Variants in WT1 observed in about 807,000 individuals in gnomAD.
WT1 encodes Wilms tumor protein.
A neutral mutation model predicts 60.8 loss-of-function variants in WT1; 8 were observed. That is an observed-to-expected ratio of 0.13 (90% confidence interval 0.08 to 0.24). The LOEUF (loss-of-function observed/expected upper bound fraction) is 0.24, where lower values mean the gene tolerates loss of function less well. Ranked by LOEUF, WT1 falls within the 10% of genes least tolerant of loss-of-function variation. WT1 has a pLI of 1.00. For missense variants in WT1, 568 were observed against 711.8 expected (o/e 0.80, Z 2.30); for synonymous variants, 312 against 297.1 (o/e 1.05, Z -0.52).
intron 3 of WT1, among the ~76,000 whole-genome samples, chr11:32,422,323 T>C (rs1038568706): frequency 2.0e-5 from 3 of 152,234 alleles, no homozygotes; most frequent in Non-Finnish European, 4.4e-5. Context: ...TACAGGAATA[T>C]TTGGAACTAG....
At chr11:32,419,524 A>T (rs1319190696) in intron 3 of WT1, among the ~76,000 whole-genome samples, 1 of 152,180 alleles carries the variant, frequency 6.6e-6, no homozygotes, top group African/African-American at 2.4e-5. Flanking sequence ...CAACTCAGAA[A>T]ATCATAATTT....
intron 1 of WT1, among the ~76,000 whole-genome samples, chr11:32,429,971 C>G (rs1252547837): frequency 1.5e-5 from 2 of 135,812 alleles, no homozygotes; most frequent in African/African-American, 6.2e-5. Flanking sequence ...CCACCACCCC[C>G]CGCCCAGAAA....
chr11:32,429,462 T>TCCCCCCC (rs10580209), intron 1 of WT1, among the ~76,000 whole-genome samples: 1 of 124,628 alleles, frequency 8.0e-6, no homozygotes, highest in African/African-American at 2.9e-5. Context: ...ATCCTAGCAT[T>TCCCCCCC]CCCCCCCCCC....
intron 3 of WT1, among the ~76,000 whole-genome samples, chr11:32,423,283 A>T (rs1422552032): frequency 6.6e-6 from 1 of 152,224 alleles, no homozygotes; most frequent in Non-Finnish European, 1.5e-5. Context: ...TCTGCCCTGC[A>T]ATTCTTTAGG....
At chr11:32,392,100 C>A (rs1851835581) in intron 8 of WT1, 36 bp from the exon 9 acceptor site, 3 of 1,595,414 alleles carry the variant, frequency 1.9e-6, no homozygotes, top group Non-Finnish European at 1.7e-6. Flanking sequence ...TCGGCCCTAA[C>A]AATGTGGGCA....
At position 32,396,378 on chromosome 11, in the gene WT1, C is replaced by T. The variant is rs1554939849; in HGVS notation, c.1143G>A (p.Pro381=). Residue 381 remains proline, a synonymous_variant, in exon 7 of 10, where the codon CCG becomes CCA. Transcript: ENST00000452863. ...TCTCAGATGCCGACCGTACAAGAGTCGGGGCTACTCCAGGCACACGTCGCA... is the reference window on the plus strand; with the variant it reads ...TCTCAGATGCCGACCGTACAAGAGTTGGGGCTACTCCAGGCACACGTCGCA... 6.2e-7 allele frequency: 1 copy of T among 1,614,066 alleles called. No individual in the cohort carries two copies. The highest frequency in any genetic ancestry group is 8.5e-7 in the Non-Finnish European group (1 of 1,180,032).
chr11:32,389,329 G>T, intron 9 of WT1, 150 bp from the exon 10 acceptor site: 1 of 1,347,488 alleles, frequency 7.4e-7, no homozygotes, highest in Non-Finnish European at 1.0e-6. Context: ...TCATTTCCCA[G>T]GCAGCCTTGA....
Position 32,434,965 on chromosome 11 carries a change from A to G in WT1, c.396T>C (p.Ala132=), listed in dbSNP as rs1304926930. 1.3e-6 allele frequency: 2 copies of G among 1,546,732 alleles called. No homozygotes were observed. ...GCGGCGGCGGCGGGGGTGGCGGCGG[A>G]GCCGGTGGCGGCGCGGGGCCGCCCA... The change falls in exon 1 of 10, where the codon GCT becomes GCC. Residue 132 remains alanine, a synonymous_variant. Transcript: ENST00000452863.
intron 3 of WT1, among the ~76,000 whole-genome samples, chr11:32,426,775 C>A (rs1013360461): frequency 3.3e-5 from 5 of 152,196 alleles, no homozygotes; most frequent in Non-Finnish European, 5.9e-5. Context: ...TAGAAACTCC[C>A]GGGAAGGAGA....
intron 7 of WT1, among the ~76,000 whole-genome samples, chr11:32,394,605 A>G (rs1851911397): frequency 6.6e-6 from 1 of 152,180 alleles, no homozygotes; most frequent in Non-Finnish European, 1.5e-5. Flanking sequence ...ATGTTTTGTG[A>G]GTGAGGATTA....
chr11:32,396,515 G>A, intron 6 of WT1, 108 bp from the exon 7 acceptor site: 3 of 1,485,116 alleles, frequency 2.0e-6, no homozygotes, highest in Non-Finnish European at 1.8e-6. Flanking sequence ...GGGGTGGCAG[G>A]TGCAGACCTA....
At chr11:32,407,791 A>G (rs1852361656) in intron 5 of WT1, among the ~76,000 whole-genome samples, 1 of 152,206 alleles carries the variant, frequency 6.6e-6, no homozygotes, top group African/African-American at 2.4e-5. Flanking sequence ...CTAAGAAACT[A>G]TGCTTCCTTA....
At position 32,429,523 on chromosome 11, in the gene WT1, T is replaced by A. The variant is rs1378168370; in HGVS notation, c.662-904A>T. ...GCCTCAGTTGGAAAACATAGTCTTT[T>A]ATAATTTTTGTTATTAAATTGCTTT... On this transcript the variant is annotated intron_variant, in intron 1 of 9. Coordinates refer to ENST00000452863, the MANE Select transcript of WT1 (RefSeq NM_024426.6). Among the ~76,000 whole-genome samples the A allele has an allele frequency of 2.7e-5, 4 of 147,324 alleles. No homozygotes were observed. The Admixed American group carries it at 2.7e-4, about 10-fold the overall frequency.
intron 9 of WT1, 64 bp from the exon 10 acceptor site, chr11:32,389,243 A>G: frequency 6.2e-7 from 1 of 1,612,544 alleles, no homozygotes; most frequent in East Asian, 2.2e-5. Flanking sequence ...TTCAACTATC[A>G]AGGCCCGAGT....
chr11:32,412,782 C>T (rs1442294545), intron 5 of WT1, among the ~76,000 whole-genome samples: 5 of 130,302 alleles, frequency 3.8e-5, no homozygotes, highest in Non-Finnish European at 6.5e-5. Flanking sequence ...AGTACCTTCT[C>T]ACTGACTTAA....
Position 32,435,144 on chromosome 11 carries a change from G to T in WT1, c.217C>A (p.Gln73Lys). The T allele has an allele frequency of 6.6e-7, 1 of 1,520,724 alleles. No individual in the cohort carries two copies. The highest frequency in any genetic ancestry group is 1.2e-5 in the South Asian group (1 of 82,634). 94.2% of individuals were successfully genotyped at this position (1,520,724 alleles called of 1,614,324 possible). A position where few individuals can be genotyped will look rare whatever the true frequency, so the allele number is the denominator to read the frequency against. The change falls in exon 1 of 10, where the codon CAA (glutamine) becomes AAA (lysine). Residue 73 changes from glutamine to lysine, a missense_variant. Around this residue, in one of 3 missense-constraint regions of WT1, gnomAD observed 523 missense variants for 565.1 expected, o/e 0.93. Coordinates refer to ENST00000452863, the MANE Select transcript of WT1 (RefSeq NM_024426.6). ...AGGTCCCGCACGTCGGAGCCCATTT[G>T]CTGCGGCTCAGACCCGGACGCCCCG...
chr11:32,405,185 C>T (rs938720874), intron 5 of WT1, among the ~76,000 whole-genome samples: 1 of 152,124 alleles, frequency 6.6e-6, no homozygotes, highest in African/African-American at 2.4e-5. Context: ...GGACGGCTAC[C>T]CTGGCCACAT....
chr11:32,396,579 C>T (rs562047929), intron 6 of WT1, among the ~76,000 whole-genome samples, 172 bp from the exon 7 acceptor site: 1 of 152,276 alleles, frequency 6.6e-6, no homozygotes, highest in South Asian at 2.1e-4. Flanking sequence ...GTAATGGATG[C>T]TAGATCAGGA....
intron 5 of WT1, among the ~76,000 whole-genome samples, chr11:32,415,784 G>A (rs2133028983): frequency 6.6e-6 from 1 of 152,256 alleles, no homozygotes; most frequent in East Asian, 1.9e-4. Context: ...AGGAGATCTG[G>A]ATAAAACTGC....
Sources: gnomAD v4.1 joint callset for allele counts (sites outside exome capture counted in the v4.1 genomes callset) on GRCh38, gnomAD v4.1.1 for gene constraint, gnomAD v4.1.1 regional missense constraint, MANE v1.5 for transcripts, NCBI Gene and HGNC (gene_info 2026-07-23, HGNC 2026-07-21) for gene names.